Variants in REEP3 observed in about 807,000 individuals in gnomAD.
REEP3 encodes receptor expression-enhancing protein 3.
REEP3 carries 20 observed loss-of-function variants against 41.3 expected under a neutral mutation model. That is an observed-to-expected ratio of 0.48 (90% CI 0.34 to 0.70). The LOEUF (loss-of-function observed/expected upper bound fraction) is 0.70, where lower values mean the gene tolerates loss of function less well. Among genes scored for constraint, REEP3 ranks in the 30% least tolerant of loss-of-function variants. The probability of loss-of-function intolerance (pLI) is 0.01; values close to 1 mark genes in which losing one functional copy is unlikely to be tolerated. For missense variants in REEP3, 271 were observed against 308.8 expected, an observed-to-expected ratio of 0.88 and a Z score of 0.92; for synonymous variants, 104 against 101.8, an observed-to-expected ratio of 1.02 and a Z score of -0.13.
At chr10:63,598,554 G>T (rs561750425) in intron 4 of REEP3, among the ~76,000 whole-genome samples, 1 of 151,546 alleles carries the variant, frequency 6.6e-6, no homozygotes, top group Non-Finnish European at 1.5e-5. Flanking sequence ...GGACGCCGAG[G>T]TGGGTAGATC....
intron 5 of REEP3, chr10:63,599,672 T>C: frequency 1.0e-6 from 1 of 985,722 alleles, no homozygotes; most frequent in Non-Finnish European, 1.2e-6. Flanking sequence ...CTTGGTAGGA[T>C]TTCTGGCTTA....
At chr10:63,608,537 C>A (rs1956249550) in intron 5 of REEP3, among the ~76,000 whole-genome samples, 2 of 152,146 alleles carry the variant, frequency 1.3e-5, no homozygotes, top group African/African-American at 4.8e-5. Flanking sequence ...GGATTAGTTT[C>A]TCTGGTAACA....
chr10:63,608,775 A>G (rs1956252341), intron 5 of REEP3, among the ~76,000 whole-genome samples: 1 of 152,220 alleles, frequency 6.6e-6, no homozygotes, highest in Non-Finnish European at 1.5e-5. Flanking sequence ...AGTTCAGAAA[A>G]TGCCTCTTTC....
At chr10:63,558,821 G>A (rs1442165902) in intron 1 of REEP3, among the ~76,000 whole-genome samples, 1 of 152,174 alleles carries the variant, frequency 6.6e-6, no homozygotes, top group East Asian at 1.9e-4. Context: ...TATATAGTGT[G>A]TGTGTGTGTG....
chr10:63,584,262 G>C (rs1955982570), intron 2 of REEP3, among the ~76,000 whole-genome samples: 1 of 152,024 alleles, frequency 6.6e-6, no homozygotes, highest in Non-Finnish European at 1.5e-5. Flanking sequence ...CAATGTTGCT[G>C]CCAGTTCCGC....
At chr10:63,552,269 G>C (rs1159746358) in intron 1 of REEP3, among the ~76,000 whole-genome samples, 1 of 152,040 alleles carries the variant, frequency 6.6e-6, no homozygotes, top group Non-Finnish European at 1.5e-5. Flanking sequence ...AAATTAGCTG[G>C]GTGTGGTGGC....
chr10:63,609,367 G>A (rs1956258488), intron 5 of REEP3, among the ~76,000 whole-genome samples: 1 of 150,968 alleles, frequency 6.6e-6, no homozygotes, highest in Non-Finnish European at 1.5e-5. Context: ...CAGGAGAATG[G>A]TGTGAACCTG....
At chr10:63,579,412 A>G (rs1039768104) in intron 2 of REEP3, among the ~76,000 whole-genome samples, 3 of 152,220 alleles carry the variant, frequency 2.0e-5, no homozygotes, top group Non-Finnish European at 4.4e-5. Context: ...TAAGTATTAA[A>G]TTTGAATAAG....
intron 1 of REEP3, among the ~76,000 whole-genome samples, chr10:63,538,688 C>G (rs942980828): frequency 6.6e-6 from 1 of 152,092 alleles, no homozygotes. Flanking sequence ...GAGCCAAGAT[C>G]AAGCCACTAC....
At chr10:63,573,101 C>A (rs546111480) in intron 2 of REEP3, among the ~76,000 whole-genome samples, 2 of 152,352 alleles carry the variant, frequency 1.3e-5, no homozygotes, top group Admixed American at 1.3e-4. Flanking sequence ...CCACCCCCAA[C>A]TACTACCATT....
At chr10:63,609,439 G>C (rs1382879286) in intron 5 of REEP3, among the ~76,000 whole-genome samples, 1 of 121,902 alleles carries the variant, frequency 8.2e-6, no homozygotes, top group African/African-American at 3.2e-5. Context: ...GCGACAAAGC[G>C]AGACTCTGTC....
At chr10:63,542,761 T>G (rs1026614759) in intron 1 of REEP3, among the ~76,000 whole-genome samples, 3 of 152,232 alleles carry the variant, frequency 2.0e-5, no homozygotes, top group African/African-American at 7.2e-5. Context: ...TTTCACATCT[T>G]AATATCATGT....
intron 6 of REEP3, 129 bp downstream of exon 6, chr10:63,610,463 C>T (rs959415595): frequency 2.4e-5 from 20 of 839,568 alleles, no homozygotes; most frequent in East Asian, 1.9e-4. Context: ...CTAATGCATA[C>T]GGGGCTTAAA....
At chr10:63,568,524 C>T (rs1196009737) in intron 2 of REEP3, among the ~76,000 whole-genome samples, 30 of 152,206 alleles carry the variant, frequency 2.0e-4, no homozygotes, top group Middle Eastern at 3.4e-3. Context: ...GCCTCGGCCT[C>T]CCAAAGTGCT....
intron 2 of REEP3, among the ~76,000 whole-genome samples, chr10:63,572,276 C>A (rs1476481201): frequency 1.3e-5 from 2 of 151,562 alleles, no homozygotes; most frequent in Non-Finnish European, 2.9e-5. Context: ...AAGGCTAAGT[C>A]CTAAACTTAG....
Position 63,616,175 on chromosome 10 carries a change from C to T in REEP3, c.566-3480C>T, listed in dbSNP as rs138212834. 3.6e-3 allele frequency among the ~76,000 whole-genome samples: 555 copies of T among 152,322 alleles called. 2 individuals are homozygous for T. Among genetic ancestry groups the T allele is most frequent in the African/African-American group, 0.012 (501 of 41,566 alleles). On this transcript the variant is annotated intron_variant, in intron 6 of 7. Coordinates refer to ENST00000373758, the MANE Select transcript of REEP3 (RefSeq NM_001001330.3). ...CCTTGTTCTCCCACTCCATCAAGTGCTAGCCATACAGAATCATGACTCTTT... is the reference window on the plus strand; with the variant it reads ...CCTTGTTCTCCCACTCCATCAAGTGTTAGCCATACAGAATCATGACTCTTT...
chr10:63,572,318 ATTATAC>A (rs1955860263), intron 2 of REEP3, among the ~76,000 whole-genome samples: 1 of 150,826 alleles, frequency 6.6e-6, no homozygotes, highest in African/African-American at 2.5e-5. Flanking sequence ...TTTTTTTTTA[ATTATAC>A]TTTAAGTTCT....
chr10:63,572,972 C>T (rs1955866436), intron 2 of REEP3, among the ~76,000 whole-genome samples: 1 of 152,206 alleles, frequency 6.6e-6, no homozygotes, highest in African/African-American at 2.4e-5. Flanking sequence ...ACAGTCCAGT[C>T]TTAACATTTA....
chr10:63,534,219 G>C (rs1427095282), intron 1 of REEP3, among the ~76,000 whole-genome samples: 3 of 151,984 alleles, frequency 2.0e-5, no homozygotes, highest in Non-Finnish European at 2.9e-5. Flanking sequence ...AGAATTTCTA[G>C]ATGTTATATC....
Sources: allele counts gnomAD v4.1 joint callset (sites outside exome capture counted in the v4.1 genomes callset), GRCh38; gene constraint gnomAD v4.1.1; transcripts MANE v1.5; gene names NCBI Gene and HGNC (gene_info 2026-07-23, HGNC 2026-07-21).